Variants in OPCML observed in about 807,000 individuals in gnomAD.
The protein encoded by OPCML is opioid-binding protein/cell adhesion molecule.
In OPCML, 13 loss-of-function variants were observed where a neutral mutation model predicts 37.8. That is an observed-to-expected ratio of 0.34 (90% CI 0.22 to 0.55). The LOEUF (loss-of-function observed/expected upper bound fraction) is 0.55. OPCML is among the 20% of genes least tolerant of loss of function. The probability of loss-of-function intolerance (pLI) is 0.91; values close to 1 mark genes in which losing one functional copy is unlikely to be tolerated. For missense variants in OPCML, 341 were observed against 435.6 expected, an observed-to-expected ratio of 0.78 and a Z score of 1.93; for synonymous variants, 176 against 168.8, an observed-to-expected ratio of 1.04 and a Z score of -0.33.
chr11:132,834,849 C>A (rs1170481591), intron 2 of OPCML, among the ~76,000 whole-genome samples: 2 of 152,078 alleles, frequency 1.3e-5, no homozygotes, highest in African/African-American at 4.8e-5. Flanking sequence ...ACCTTGGTAG[C>A]TGAAACATTT....
intron 1 of OPCML, among the ~76,000 whole-genome samples, chr11:133,500,624 A>C (rs1317359917): frequency 2.0e-5 from 3 of 152,166 alleles, no homozygotes; most frequent in African/African-American, 7.2e-5. Flanking sequence ...CGAGGTGCCC[A>C]CTAGCCAGCT....
intron 1 of OPCML, among the ~76,000 whole-genome samples, chr11:133,417,747 G>A (rs546978114): frequency 6.6e-6 from 1 of 151,778 alleles, no homozygotes; most frequent in South Asian, 2.1e-4. Context: ...TTGTTACTAG[G>A]AAATTCGGGA....
chr11:133,451,836 C>A (rs1358331334), intron 1 of OPCML, among the ~76,000 whole-genome samples: 2 of 148,654 alleles, frequency 1.3e-5, no homozygotes, highest in Non-Finnish European at 2.9e-5. Context: ...GAGCAAAACT[C>A]CAACTAGAAA....
At chr11:133,350,468 A>G (rs1010074638) in intron 1 of OPCML, among the ~76,000 whole-genome samples, 5 of 152,176 alleles carry the variant, frequency 3.3e-5, no homozygotes, top group African/African-American at 1.2e-4. Context: ...GTATTTGTAA[A>G]GAAATTAGCA....
At chr11:132,849,986 C>T (rs897217482) in intron 2 of OPCML, among the ~76,000 whole-genome samples, 12 of 152,168 alleles carry the variant, frequency 7.9e-5, no homozygotes, top group Admixed American at 2.6e-4. Flanking sequence ...CCATTTAAAC[C>T]TGCATATGTT....
At chr11:133,008,854 T>C in intron 1 of OPCML, 5 of 982,554 alleles carry the variant, frequency 5.1e-6, no homozygotes, top group Non-Finnish European at 6.0e-6. Flanking sequence ...CATCTGAGAG[T>C]CAATTTTCAT....
At chr11:133,184,049 A>C (rs1299869483) in intron 1 of OPCML, among the ~76,000 whole-genome samples, 2 of 152,200 alleles carry the variant, frequency 1.3e-5, no homozygotes, top group Non-Finnish European at 2.9e-5. Flanking sequence ...TCTGAGCTTG[A>C]CATTGAAGGG....
intron 1 of OPCML, among the ~76,000 whole-genome samples, chr11:133,261,965 A>G (rs1302254006): frequency 6.6e-6 from 1 of 152,166 alleles, no homozygotes; most frequent in East Asian, 1.9e-4. Context: ...TCCGGGCACC[A>G]TTGTTCCTGT....
chr11:132,858,105 T>C (rs533065650), intron 2 of OPCML, among the ~76,000 whole-genome samples: 2 of 152,164 alleles, frequency 1.3e-5, no homozygotes, highest in Admixed American at 1.3e-4. Context: ...ACTCCACTCA[T>C]TGAGAAAAAC....
At chr11:132,741,708 T>C (rs1288764893) in intron 2 of OPCML, among the ~76,000 whole-genome samples, 4 of 152,170 alleles carry the variant, frequency 2.6e-5, no homozygotes, top group African/African-American at 9.7e-5. Flanking sequence ...TATTCATTCA[T>C]TTAAAAAATC....
At chr11:132,737,977 C>T (rs1452041338) in intron 2 of OPCML, among the ~76,000 whole-genome samples, 1 of 152,190 alleles carries the variant, frequency 6.6e-6, no homozygotes. Context: ...CGCCCCCAGT[C>T]TTCCACTGTC....
chr11:132,439,415 T>G (rs2096024385), intron 4 of OPCML, among the ~76,000 whole-genome samples: 1 of 152,232 alleles, frequency 6.6e-6, no homozygotes, highest in Admixed American at 6.5e-5. Flanking sequence ...CGGCATTTGC[T>G]GGATGGTGCT....
At chr11:133,458,794 CGT>C (rs761065606) in intron 1 of OPCML, among the ~76,000 whole-genome samples, 159 of 143,828 alleles carry the variant, frequency 1.1e-3, no homozygotes, top group Non-Finnish European at 1.2e-3. Flanking sequence ...CATAGATGCA[CGT>C]GTGTGTGTAT....
intron 3 of OPCML, among the ~76,000 whole-genome samples, chr11:132,577,013 CT>C (rs1375088798): frequency 1.3e-5 from 2 of 152,188 alleles, no homozygotes; most frequent in Non-Finnish European, 2.9e-5. Context: ...AAACCATCCC[CT>C]TATCTCCCTT....
intron 1 of OPCML, among the ~76,000 whole-genome samples, chr11:133,086,415 A>C (rs1042620106): frequency 6.6e-6 from 1 of 152,186 alleles, no homozygotes; most frequent in South Asian, 2.1e-4. Context: ...AATATAAATA[A>C]GAAAGGAAAT....
chr11:132,463,275 T>G (rs992076823), intron 4 of OPCML, among the ~76,000 whole-genome samples: 6 of 152,176 alleles, frequency 3.9e-5, no homozygotes, highest in African/African-American at 1.4e-4. Context: ...GAAACACTAT[T>G]TTCTATCACT....
intron 7 of OPCML, among the ~76,000 whole-genome samples, chr11:132,431,562 A>G (rs997505319): frequency 2.6e-5 from 4 of 152,182 alleles, no homozygotes; most frequent in Non-Finnish European, 5.9e-5. Context: ...GAAGCATTTC[A>G]TATCAGTGCC....
intron 4 of OPCML, among the ~76,000 whole-genome samples, chr11:132,470,137 T>C (rs1161578289): frequency 2.6e-5 from 4 of 152,096 alleles, no homozygotes; most frequent in Non-Finnish European, 4.4e-5. Flanking sequence ...AGATGACTAC[T>C]GAATAGAGAA....
Position 132,643,039 on chromosome 11 carries a change from G to A in OPCML, c.379+14048C>T, listed in dbSNP as rs547259910. 1.2e-3 allele frequency among the ~76,000 whole-genome samples: 186 copies of A among 152,294 alleles called. 1 individual carries two copies. The highest frequency in any genetic ancestry group is 4.2e-3 in the African/African-American group (175 of 41,576). On this transcript the variant is annotated intron_variant, in intron 3 of 7. Coordinates refer to ENST00000524381, the MANE Select transcript of OPCML (RefSeq NM_001012393.5). ...AAGGAAGGAGGGTGGCATAGGGTGA[G>A]AGGCAGACACCTGGCCTGCTCCTGC...
Sources: allele counts gnomAD v4.1 joint callset (sites outside exome capture counted in the v4.1 genomes callset), GRCh38; gene constraint gnomAD v4.1.1; transcripts MANE v1.5; gene names NCBI Gene and HGNC (gene_info 2026-07-23, HGNC 2026-07-21).